Variants in PRELID2 observed in about 807,000 individuals in gnomAD.
The protein encoded by PRELID2 is PRELI domain containing 2, also known as PRELI domain-containing protein 2.
In PRELID2, 25 loss-of-function variants were observed where a neutral mutation model predicts 28.4. The observed-to-expected ratio is 0.88, with a 90% confidence interval of 0.64 to 1.23. The LOEUF is 1.23. Ranked by LOEUF, PRELID2 falls within the 50% of genes most tolerant of loss-of-function variation. PRELID2 has a pLI of 0.00. For missense variants in PRELID2, 201 were observed against 214.4 expected (o/e 0.94, Z 0.39); for synonymous variants, 76 against 71.6 (o/e 1.06, Z -0.31).
At chr5:145,244,593 A>G in the PRELID2 span, among the ~76,000 whole-genome samples, 1 of 151,956 alleles carries the variant, frequency 6.6e-6, no homozygotes. Flanking sequence ...AGACCCAGGG[A>G]CTCAAGTATT....
chr5:145,344,142 C>T, the PRELID2 span, among the ~76,000 whole-genome samples: 2 of 152,010 alleles, frequency 1.3e-5, no homozygotes, highest in Non-Finnish European at 2.9e-5. Flanking sequence ...AAAGTGTTCT[C>T]TTTCACTCAT....
In PRELID2 at chr5:145,494,685, T is replaced by C. The variant is rs150279769; in HGVS notation, n.71-21370A>G. On this transcript the variant is annotated intron_variant and non_coding_transcript_variant, in intron 1 of 2. Coordinates refer to the PRELID2 transcript ENST00000510259. ...AAGTATATATTCTTATTAAAGATAT[T>C]GACAACAAATGGATATGTATTATGT... Among the ~76,000 whole-genome samples the C allele has an allele frequency of 7.6e-3, 1,157 of 152,248 alleles. 21 individuals are homozygous for C. Among genetic ancestry groups the C allele is most frequent in the African/African-American group, 0.026 (1,090 of 41,550 alleles).
chr5:145,796,274 T>C, intron 5 of PRELID2, 168 bp downstream of exon 5: 1 of 435,998 alleles, frequency 2.3e-6, no homozygotes, highest in Non-Finnish European at 4.0e-6. Context: ...AGTTTTACTT[T>C]GATTTGAATT....
chr5:145,745,501 C>T (rs1756965545), intron 1 of PRELID2, among the ~76,000 whole-genome samples: 1 of 152,178 alleles, frequency 6.6e-6, no homozygotes, highest in Non-Finnish European at 1.5e-5. Context: ...ATCAGACTAA[C>T]AGCAGACGTC....
the PRELID2 span, among the ~76,000 whole-genome samples, chr5:145,409,289 C>T: frequency 6.6e-6 from 1 of 152,102 alleles, no homozygotes; most frequent in South Asian, 2.1e-4. Flanking sequence ...TCTCACAAGG[C>T]CTAGAAAACA....
chr5:145,319,408 C>G, the PRELID2 span, among the ~76,000 whole-genome samples: 2 of 152,054 alleles, frequency 1.3e-5, no homozygotes, highest in East Asian at 3.9e-4. Flanking sequence ...GTGGCTCATG[C>G]GTGTAATCCC....
chr5:145,805,178 C>T (rs1018305549), intron 4 of PRELID2, among the ~76,000 whole-genome samples: 3 of 152,144 alleles, frequency 2.0e-5, no homozygotes, highest in African/African-American at 7.2e-5. Flanking sequence ...TGACACTAAT[C>T]ATACTTACTG....
chr5:145,577,978 A>G (rs1753075693), intron 1 of PRELID2, among the ~76,000 whole-genome samples: 2 of 152,162 alleles, frequency 1.3e-5, no homozygotes, highest in African/African-American at 4.8e-5. Context: ...ATGACGAATG[A>G]CATTTCTTCT....
intron 1 of PRELID2, among the ~76,000 whole-genome samples, chr5:145,578,077 C>A (rs775633586): frequency 2.0e-5 from 3 of 152,114 alleles, no homozygotes; most frequent in Non-Finnish European, 4.4e-5. Flanking sequence ...TGGCATAATA[C>A]ATGCCAGTTG....
At chr5:145,275,830 C>T in the PRELID2 span, among the ~76,000 whole-genome samples, 2 of 152,112 alleles carry the variant, frequency 1.3e-5, no homozygotes, top group Non-Finnish European at 2.9e-5. Context: ...TACCACTTAC[C>T]AGCTTGTGAC....
intron 1 of PRELID2, among the ~76,000 whole-genome samples, chr5:145,598,108 G>C (rs139043478): frequency 1.4e-3 from 211 of 152,166 alleles, no homozygotes; most frequent in African/African-American, 4.9e-3. Context: ...AATAGACAAA[G>C]TGAAAAAAAG....
the PRELID2 span, among the ~76,000 whole-genome samples, chr5:145,289,594 A>T: frequency 6.6e-6 from 1 of 152,172 alleles, no homozygotes; most frequent in Non-Finnish European, 1.5e-5. Flanking sequence ...ATTCATTTTC[A>T]AGTTAGTTGT....
At chr5:145,827,929 T>C (rs1041404129) in intron 1 of PRELID2, among the ~76,000 whole-genome samples, 3 of 152,210 alleles carry the variant, frequency 2.0e-5, no homozygotes, top group African/African-American at 7.2e-5. Flanking sequence ...TAGCATTGTA[T>C]CAGTGTTAAT....
intron 5 of PRELID2, among the ~76,000 whole-genome samples, chr5:145,775,731 G>A (rs879938835): frequency 2.6e-5 from 4 of 152,198 alleles, no homozygotes; most frequent in Admixed American, 6.5e-5. Flanking sequence ...AACCCACAGT[G>A]GGTGAATGAA....
intron 1 of PRELID2, among the ~76,000 whole-genome samples, chr5:145,740,877 TATATGTAC>T (rs1756683156): frequency 2.8e-5 from 3 of 105,510 alleles, no homozygotes; most frequent in Admixed American, 1.2e-4. Flanking sequence ...TCGATAAATA[TATATGTAC>T]ATATATTTAT....
At chr5:145,424,752 C>T in the PRELID2 span, among the ~76,000 whole-genome samples, 1 of 152,180 alleles carries the variant, frequency 6.6e-6, no homozygotes, top group Non-Finnish European at 1.5e-5. Context: ...CCTCCCCATC[C>T]ATATACAAAA....
At chr5:145,687,148 T>C (rs1317594872) in intron 1 of PRELID2, among the ~76,000 whole-genome samples, 1 of 152,224 alleles carries the variant, frequency 6.6e-6, no homozygotes, top group Non-Finnish European at 1.5e-5. Flanking sequence ...TATTACCATG[T>C]CAATACTACT....
At chr5:145,751,828 A>G (rs1448815136), downstream of PRELID2, among the ~76,000 whole-genome samples, 1 of 152,096 alleles carries the variant, frequency 6.6e-6, no homozygotes, top group Non-Finnish European at 1.5e-5. Context: ...CTAAAAATAC[A>G]AAAATTAGCT....
In PRELID2 at chr5:145,729,185, A is replaced by C. The variant is rs1391163372; in HGVS notation, n.70+35746T>G. ...AGTCCTTCAAAGTATCATTTGTATC[A>C]GTGATGCTCTGGGTTTCGGAAGCAT... On this transcript the variant is annotated intron_variant and non_coding_transcript_variant, in intron 1 of 2. Transcript: ENST00000510259. 3 of 685,530 alleles carry C rather than the reference A, an allele frequency of 4.4e-6. No individual in the cohort carries two copies. The Admixed American group carries it at 6.2e-5, about 14-fold the overall frequency. 42.5% of individuals were successfully genotyped at this position (685,530 alleles called of 1,614,324 possible).
Sources: gnomAD v4.1 joint callset for allele counts (sites outside exome capture counted in the v4.1 genomes callset) on GRCh38, gnomAD v4.1.1 for gene constraint, MANE v1.5 for transcripts, NCBI Gene and HGNC (gene_info 2026-07-23, HGNC 2026-07-21) for gene names.